FSTL4: variants seen among roughly 807,000 people sequenced by gnomAD.
FSTL4 encodes the protein follistatin like 4, also known as follistatin-related protein 4.
A neutral mutation model predicts 78.2 loss-of-function variants in FSTL4; 28 were observed. The ratio of observed to expected loss-of-function variants is 0.36; its 90% CI spans 0.27 to 0.49. FSTL4 has a LOEUF of 0.49. Ranked by LOEUF, FSTL4 falls within the 20% of genes least tolerant of loss-of-function variation. The pLI is 0.98. For synonymous variants in FSTL4, 422 were observed against 440.5 expected (o/e 0.96, Z 0.53); for missense variants, 922 against 1,084.9 (o/e 0.85, Z 2.11).
At chr5:133,764,013 C>T in the FSTL4 span, among the ~76,000 whole-genome samples, 10 of 152,240 alleles carry the variant, frequency 6.6e-5, no homozygotes, top group Admixed American at 3.3e-4. Flanking sequence ...CTGCCCGTGG[C>T]ATCCAGGGCT....
At chr5:133,548,627 G>T (rs963396938) in intron 3 of FSTL4, among the ~76,000 whole-genome samples, 7 of 152,162 alleles carry the variant, frequency 4.6e-5, no homozygotes, top group African/African-American at 1.4e-4. Flanking sequence ...TTAGCAGACA[G>T]AGGACTTCAA....
intron 3 of FSTL4, among the ~76,000 whole-genome samples, chr5:133,559,673 GC>G (rs2112936278): frequency 6.6e-6 from 1 of 152,342 alleles, no homozygotes; most frequent in East Asian, 1.9e-4. Flanking sequence ...CGCTAGGCAA[GC>G]ACGAGTGATT....
At chr5:133,770,273 T>C in the FSTL4 span, among the ~76,000 whole-genome samples, 1 of 152,186 alleles carries the variant, frequency 6.6e-6, no homozygotes, top group Non-Finnish European at 1.5e-5. Context: ...GAAAGATAGT[T>C]CTATTTTTAG....
intron 3 of FSTL4, among the ~76,000 whole-genome samples, chr5:133,478,577 T>G (rs1427463219): frequency 6.6e-6 from 1 of 152,208 alleles, no homozygotes; most frequent in African/African-American, 2.4e-5. Context: ...TCTCCATTGA[T>G]CCCCTGAGTC....
chr5:133,666,535 AG>A, the FSTL4 span, among the ~76,000 whole-genome samples: 1 of 152,142 alleles, frequency 6.6e-6, no homozygotes, highest in African/African-American at 2.4e-5. Flanking sequence ...CCATGGTTAA[AG>A]GATATTTAAA....
intron 3 of FSTL4, among the ~76,000 whole-genome samples, chr5:133,496,339 C>T (rs1758366804): frequency 6.6e-6 from 1 of 152,162 alleles, no homozygotes; most frequent in Admixed American, 6.5e-5. Flanking sequence ...GAAGAAACTG[C>T]CCAATTCCGT....
At chr5:133,650,971 T>C in the FSTL4 span, among the ~76,000 whole-genome samples, 3 of 152,236 alleles carry the variant, frequency 2.0e-5, no homozygotes, top group African/African-American at 7.2e-5. Context: ...CTTTGTTTTA[T>C]ATGAAAAGCA....
intron 6 of FSTL4, among the ~76,000 whole-genome samples, chr5:133,309,773 T>A (rs1753734402): frequency 6.6e-6 from 1 of 152,214 alleles, no homozygotes; most frequent in South Asian, 2.1e-4. Flanking sequence ...TGACTCCGCA[T>A]CGGTAGGCTA....
At chr5:133,832,971 T>C in the FSTL4 span, among the ~76,000 whole-genome samples, 7 of 152,340 alleles carry the variant, frequency 4.6e-5, no homozygotes, top group South Asian at 1.4e-3. Flanking sequence ...TTTTGTTTTT[T>C]TAACCATTTT....
intron 4 of FSTL4, among the ~76,000 whole-genome samples, chr5:133,329,042 G>A (rs898256834): frequency 3.9e-5 from 6 of 152,142 alleles, no homozygotes; most frequent in East Asian, 1.9e-4. Context: ...AGACACGGCC[G>A]GGTCTGAGGC....
the FSTL4 span, among the ~76,000 whole-genome samples, chr5:133,803,531 G>A: frequency 6.6e-6 from 1 of 152,108 alleles, no homozygotes; most frequent in African/African-American, 2.4e-5. Context: ...AGCACCTCCT[G>A]GAGTCCCAGA....
intron 6 of FSTL4, among the ~76,000 whole-genome samples, chr5:133,270,889 C>T (rs914269781): frequency 5.3e-5 from 8 of 152,164 alleles, no homozygotes; most frequent in Admixed American, 3.3e-4. Context: ...CTGGAAAGGA[C>T]GAGTTTAATA....
intron 7 of FSTL4, chr5:133,244,951 T>C (rs1414438732): frequency 6.6e-6 from 1 of 151,664 alleles, no homozygotes; most frequent in Non-Finnish European, 1.5e-5. Flanking sequence ...AACACCCCTC[T>C]CTACAAAAAA....
chr5:133,421,520 G>A (rs1291822415), intron 3 of FSTL4, among the ~76,000 whole-genome samples: 2 of 152,192 alleles, frequency 1.3e-5, no homozygotes, highest in South Asian at 4.1e-4. Flanking sequence ...TTCCCCATTC[G>A]CTGAGCTCTT....
chr5:133,673,658 T>C, the FSTL4 span, among the ~76,000 whole-genome samples: 37 of 152,334 alleles, frequency 2.4e-4, no homozygotes, highest in Admixed American at 2.2e-3. Flanking sequence ...TTCCAAACTT[T>C]AATTCTATGC....
the FSTL4 span, among the ~76,000 whole-genome samples, chr5:133,634,490 C>A: frequency 6.6e-6 from 1 of 151,938 alleles, no homozygotes. Flanking sequence ...CCAGAGAACT[C>A]ATCTCTGTGA....
At chr5:133,817,782 G>A in the FSTL4 span, among the ~76,000 whole-genome samples, 1 of 152,190 alleles carries the variant, frequency 6.6e-6, no homozygotes, top group Non-Finnish European at 1.5e-5. Context: ...AGTATGGAGG[G>A]GCAGGTGAAA....
chr5:133,546,372 G>A (rs1471744708), intron 3 of FSTL4, among the ~76,000 whole-genome samples: 3 of 152,006 alleles, frequency 2.0e-5, no homozygotes, highest in Non-Finnish European at 2.9e-5. Flanking sequence ...CAGGCGTGGT[G>A]GCACGTGCCT....
intron 4 of FSTL4, among the ~76,000 whole-genome samples, chr5:133,396,721 A>G (rs867779941): frequency 6.6e-6 from 1 of 152,186 alleles, no homozygotes; most frequent in Non-Finnish European, 1.5e-5. Context: ...CAACAAAATA[A>G]CAAGAAGAAG....
Sources: gnomAD v4.1 joint callset for allele counts (sites outside exome capture counted in the v4.1 genomes callset) on GRCh38, gnomAD v4.1.1 for gene constraint, MANE v1.5 for transcripts, NCBI Gene and HGNC (gene_info 2026-07-23, HGNC 2026-07-21) for gene names.